POFUT3: variants seen among roughly 807,000 people sequenced by gnomAD.
POFUT3 encodes GDP-fucose protein O-fucosyltransferase 3.
At chr8:33,360,003 C>G in the POFUT3 span, among the ~76,000 whole-genome samples, 2 of 151,840 alleles carry the variant, frequency 1.3e-5, no homozygotes, top group East Asian at 3.9e-4. Context: ...AAGACTCCAT[C>G]TCAAAAAAAA....
At chr8:33,453,307 C>T in the POFUT3 span, 1 of 1,614,226 alleles carries the variant, frequency 6.2e-7, no homozygotes, top group Non-Finnish European at 8.5e-7. Flanking sequence ...GGCCTAACCT[C>T]CCAGTCTCCC....
At chr8:33,404,262 C>T in the POFUT3 span, among the ~76,000 whole-genome samples, 68 of 151,216 alleles carry the variant, frequency 4.5e-4, 1 homozygote, top group African/African-American at 1.4e-3. Flanking sequence ...CACTTGAACC[C>T]GGGAAGCGGA....
At chr8:33,408,233 G>T in the POFUT3 span, among the ~76,000 whole-genome samples, 1 of 151,742 alleles carries the variant, frequency 6.6e-6, no homozygotes, top group African/African-American at 2.4e-5. Context: ...GCTGAAGCAG[G>T]GGATCACTTG....
the POFUT3 span, among the ~76,000 whole-genome samples, chr8:33,324,259 T>A: frequency 6.6e-6 from 1 of 152,180 alleles, no homozygotes; most frequent in African/African-American, 2.4e-5. Context: ...AAATGTCACC[T>A]AACTGGGTGC....
At chr8:33,464,439 T>C in the POFUT3 span, among the ~76,000 whole-genome samples, 3 of 152,190 alleles carry the variant, frequency 2.0e-5, no homozygotes, top group African/African-American at 7.2e-5. Context: ...GTAAAGTAAC[T>C]TGACCAAGAC....
the POFUT3 span, among the ~76,000 whole-genome samples, chr8:33,344,570 T>C: frequency 6.6e-6 from 1 of 152,190 alleles, no homozygotes; most frequent in African/African-American, 2.4e-5. Context: ...AAGCTTCAAA[T>C]TACAGCAGCT....
chr8:33,434,407 C>T, the POFUT3 span, among the ~76,000 whole-genome samples: 1,557 of 152,258 alleles, frequency 0.01, 34 homozygotes, highest in African/African-American at 0.036. Flanking sequence ...ACCCCTCCCA[C>T]TCCCATATTC....
the POFUT3 span, among the ~76,000 whole-genome samples, chr8:33,347,337 C>T: frequency 6.6e-6 from 1 of 152,118 alleles, no homozygotes; most frequent in Non-Finnish European, 1.5e-5. Context: ...CTGTTTGTAG[C>T]TATATATTAT....
chr8:33,454,633 C>A, the POFUT3 span, among the ~76,000 whole-genome samples: 1 of 151,880 alleles, frequency 6.6e-6, no homozygotes, highest in Non-Finnish European at 1.5e-5. Flanking sequence ...ATTTCCCTTC[C>A]ATTTCATAAG....
At chr8:33,390,548 CAAA>C in the POFUT3 span, among the ~76,000 whole-genome samples, 2,884 of 87,812 alleles carry the variant, frequency 0.033, 91 homozygotes, top group African/African-American at 0.11. Flanking sequence ...TGATTAACTG[CAAA>C]AAAAAAAAAA....
the POFUT3 span, among the ~76,000 whole-genome samples, chr8:33,409,292 G>A: frequency 6.6e-6 from 1 of 151,958 alleles, no homozygotes; most frequent in Non-Finnish European, 1.5e-5. Flanking sequence ...TAGTGGAGAC[G>A]GGGTTTCGCC....
the POFUT3 span, among the ~76,000 whole-genome samples, chr8:33,445,358 A>G: frequency 6.6e-6 from 1 of 152,168 alleles, no homozygotes; most frequent in Non-Finnish European, 1.5e-5. Context: ...TACTATCTAC[A>G]TTCAATACAC....
the POFUT3 span, among the ~76,000 whole-genome samples, chr8:33,422,993 T>C: frequency 6.6e-6 from 1 of 152,234 alleles, no homozygotes; most frequent in South Asian, 2.1e-4. Context: ...TTCTTTGTAT[T>C]TTTTGTAAAG....
chr8:33,388,910 G>T, the POFUT3 span: 2 of 1,367,472 alleles, frequency 1.5e-6, no homozygotes, highest in Non-Finnish European at 2.1e-6. Flanking sequence ...GGAGAGCAGA[G>T]AACATCAAGA....
At chr8:33,436,907 C>G in the POFUT3 span, among the ~76,000 whole-genome samples, 1 of 152,104 alleles carries the variant, frequency 6.6e-6, no homozygotes, top group African/African-American at 2.4e-5. Context: ...ACCTTTTCCC[C>G]CCTCCCTCCT....
At chr8:33,380,026 T>TACTATATATATACTATATATATAC in the POFUT3 span, among the ~76,000 whole-genome samples, 1 of 74,552 alleles carries the variant, frequency 1.3e-5, no homozygotes, top group Non-Finnish European at 2.3e-5. Flanking sequence ...TATATATATA[T>TACTATATATATACTATATATATAC]ACTATATATA....
chr8:33,354,406 G>A, the POFUT3 span, among the ~76,000 whole-genome samples: 5 of 152,128 alleles, frequency 3.3e-5, no homozygotes, highest in Non-Finnish European at 7.4e-5. Flanking sequence ...GAGTCTGAGG[G>A]CAGTAGGAGG....
chr8:33,358,740 G>C, the POFUT3 span, among the ~76,000 whole-genome samples: 5 of 151,858 alleles, frequency 3.3e-5, no homozygotes, highest in Non-Finnish European at 7.4e-5. Flanking sequence ...TGCTGGGCTC[G>C]GTCTGTAATC....
the POFUT3 span, among the ~76,000 whole-genome samples, chr8:33,319,991 A>C: frequency 1.3e-5 from 2 of 151,140 alleles, no homozygotes; most frequent in African/African-American, 2.4e-5. Flanking sequence ...TATGTGCCAG[A>C]CACTGGAATA....
Sources: allele counts gnomAD v4.1 joint callset (sites outside exome capture counted in the v4.1 genomes callset), GRCh38; gene constraint gnomAD v4.1.1; transcripts MANE v1.5; gene names NCBI Gene and HGNC (gene_info 2026-07-23, HGNC 2026-07-21).